The following SEC63 variants were observed in gnomAD, a reference collection of about 807,000 sequenced individuals.
The protein encoded by SEC63 is SEC63 protein translocation regulator.
A neutral mutation model predicts 116.2 loss-of-function variants in SEC63; 56 were observed. That is an observed-to-expected ratio of 0.48 (90% confidence interval 0.39 to 0.60). SEC63 has a LOEUF of 0.60. SEC63 is among the 20% of genes least tolerant of loss of function. The pLI is 0.00. For synonymous variants in SEC63, 273 were observed against 294.6 expected, an observed-to-expected ratio of 0.93 and a Z score of 0.75; for missense variants, 668 against 900.0, an observed-to-expected ratio of 0.74 and a Z score of 3.30.
chr6:107,875,172 TG>T (rs1786234120), intron 19 of SEC63, among the ~76,000 whole-genome samples: 1 of 152,152 alleles, frequency 6.6e-6, no homozygotes, highest in Non-Finnish European at 1.5e-5. Context: ...CCCAAGGCCC[TG>T]GTTCTTAAGG....
chr6:107,901,447 A>C lies in SEC63; in HGVS notation c.1280T>G (p.Leu427Arg). The C allele has an allele frequency of 6.2e-7, 1 of 1,612,294 alleles. No individual in the cohort carries two copies. Among genetic ancestry groups the C allele is most frequent in the Non-Finnish European group, 8.5e-7 (1 of 1,178,486 alleles). ...AACCTCTTCATATTTTTCATCTTCA[A>C]GGAAGTGCAGTAGAGTGTGACGATC... is the stretch of plus-strand genomic sequence containing the variant. ...ESDRHTLLHFLEDEKYEEVMA... is the reference protein window; with the variant it reads ...ESDRHTLLHFREDEKYEEVMA... Residue 427 changes from leucine (L) to arginine (R), a missense_variant, in exon 13 of 21, where the codon CTT (leucine) becomes CGT (arginine). By Grantham distance (102) the Leu-to-Arg change is moderately radical (BLOSUM62 -2). This residue lies in a region of SEC63 where 430 missense variants were observed against 557.5 expected (regional missense o/e 0.77). Coordinates refer to ENST00000369002, the MANE Select transcript of SEC63 (RefSeq NM_007214.5).
At chr6:107,923,315 T>TG (rs1487636347) in intron 3 of SEC63, among the ~76,000 whole-genome samples, 2 of 152,180 alleles carry the variant, frequency 1.3e-5, no homozygotes, top group Non-Finnish European at 2.9e-5. Flanking sequence ...GGTTTCCCTA[T>TG]GTTGCCCAGG....
chr6:107,891,262 T>C (rs1380067986), intron 16 of SEC63, among the ~76,000 whole-genome samples: 3 of 152,086 alleles, frequency 2.0e-5, no homozygotes, highest in Non-Finnish European at 4.4e-5. Context: ...CTTTGTTCGT[T>C]ACTTTTCACT....
chr6:107,953,845 G>C (rs1770639213), intron 1 of SEC63, among the ~76,000 whole-genome samples: 1 of 143,476 alleles, frequency 7.0e-6, no homozygotes, highest in Non-Finnish European at 1.5e-5. Context: ...AGGGAGGTGG[G>C]GGGGTCAGCC....
intron 18 of SEC63, among the ~76,000 whole-genome samples, chr6:107,879,403 C>T (rs1467427590): frequency 2.0e-5 from 3 of 151,712 alleles, no homozygotes; most frequent in Admixed American, 1.3e-4. Flanking sequence ...CTCAGCTTAC[C>T]GCAACCTCCG....
In SEC63 at chr6:107,920,425, C is replaced by CAAA. The variant is rs34816965; in HGVS notation, c.452+1369_452+1371dup. Among the ~76,000 whole-genome samples, 374 of 73,410 alleles carry CAAA rather than the reference C, an allele frequency of 5.1e-3. 14 individuals are homozygous for CAAA. Among genetic ancestry groups the CAAA allele is most frequent in the Non-Finnish European group, 6.2e-3 (263 of 42,262 alleles). 48.2% of individuals were successfully genotyped at this position (73,410 alleles called of 152,430 possible). On this transcript the variant is annotated intron_variant, in intron 4 of 20. Coordinates refer to ENST00000369002, the MANE Select transcript of SEC63 (RefSeq NM_007214.5). ...TGGGCGAAAGAGCGAGACTCCGTCTCAAAAAAAAAAAAAAAAAAAAAAAAA... is the reference window on the plus strand; with the variant it reads ...TGGGCGAAAGAGCGAGACTCCGTCTCAAAAAAAAAAAAAAAAAAAAAAAAAAAA...
chr6:107,941,158 G>A (rs188185347), intron 1 of SEC63, among the ~76,000 whole-genome samples: 60 of 152,324 alleles, frequency 3.9e-4, no homozygotes, highest in African/African-American at 1.4e-3. Flanking sequence ...GGCCTCTGGA[G>A]ATAAGTGCAG....
intron 1 of SEC63, among the ~76,000 whole-genome samples, chr6:107,930,455 A>G (rs1787775432): frequency 1.3e-5 from 2 of 151,666 alleles, no homozygotes; most frequent in Non-Finnish European, 2.9e-5. Flanking sequence ...CAAAAATACA[A>G]AATTAGCCAG....
At chr6:107,948,964 G>A (rs552329170) in intron 1 of SEC63, among the ~76,000 whole-genome samples, 1 of 152,152 alleles carries the variant, frequency 6.6e-6, no homozygotes, top group Non-Finnish European at 1.5e-5. Flanking sequence ...GGGATGTGGG[G>A]AATCACTCTG....
Position 107,929,456 on chromosome 6 carries a change from TA to T in SEC63, c.182del (p.Leu61TyrfsTer4). 6.2e-7 allele frequency: 1 copy of T among 1,602,184 alleles called. No individual in the cohort carries two copies. The highest frequency in any genetic ancestry group is 1.3e-5 in the African/African-American group (1 of 74,830). On this transcript the variant is annotated frameshift_variant, in exon 2 of 21. Transcript: ENST00000369002. LOFTEE classifies it high-confidence loss of function. ...KVYGRCMWYR[L>X]RLLKPQPNII... ...TATTTGGCTGGGGTTTTAATAACCG[TA>T]AACGATACCACATACACCTTCCATA...
intron 1 of SEC63, among the ~76,000 whole-genome samples, chr6:107,935,107 C>T (rs1407518168): frequency 2.9e-5 from 4 of 138,720 alleles, no homozygotes; most frequent in Non-Finnish European, 3.1e-5. Context: ...CTGCCCCGTC[C>T]GGGAGGGAGG....
chr6:107,899,642 C>T (rs1408911869), intron 13 of SEC63, among the ~76,000 whole-genome samples: 1 of 151,956 alleles, frequency 6.6e-6, no homozygotes, highest in Non-Finnish European at 1.5e-5. Flanking sequence ...ATCACTTGAA[C>T]CTAGAGTTGG....
At chr6:107,916,653 G>C (rs1377342223) in intron 4 of SEC63, among the ~76,000 whole-genome samples, 4 of 152,112 alleles carry the variant, frequency 2.6e-5, no homozygotes, top group Non-Finnish European at 5.9e-5. Context: ...CTCACTTCAT[G>C]TCCCTCTCTC....
intron 1 of SEC63, among the ~76,000 whole-genome samples, chr6:107,939,121 G>C (rs997572881): frequency 1.3e-5 from 2 of 151,696 alleles, no homozygotes; most frequent in Admixed American, 1.3e-4. Context: ...TGTCCCTACA[G>C]AAACTTTAAA....
At chr6:107,893,001 T>A (rs1786719436) in intron 16 of SEC63, among the ~76,000 whole-genome samples, 1 of 152,000 alleles carries the variant, frequency 6.6e-6, no homozygotes, top group African/African-American at 2.4e-5. Flanking sequence ...TGTATAAGAA[T>A]AAGCATAGCA....
intron 16 of SEC63, among the ~76,000 whole-genome samples, chr6:107,888,374 CATG>C (rs1258906864): frequency 6.6e-6 from 1 of 152,110 alleles, no homozygotes; most frequent in African/African-American, 2.4e-5. Context: ...GGAATTCACT[CATG>C]ATTTGGCTCT....
At chr6:107,955,355 G>T (rs1316438613) in intron 1 of SEC63, among the ~76,000 whole-genome samples, 3 of 152,154 alleles carry the variant, frequency 2.0e-5, no homozygotes, top group Admixed American at 2.0e-4. Flanking sequence ...TAGAGACGGG[G>T]TTTCACCATG....
At chr6:107,876,415 C>A in intron 19 of SEC63, 149 bp downstream of exon 19, 2 of 612,472 alleles carry the variant, frequency 3.3e-6, no homozygotes, top group Non-Finnish European at 5.9e-6. Flanking sequence ...GAGCTCACCC[C>A]AAAATAGAGA....
Position 107,901,329 on chromosome 6 carries a change from C to T in SEC63, c.1357+41G>A, listed in dbSNP as rs949978673. ...GTCAAATAAATGAGAACCAATCTAT[C>T]AAAAGGGAAGCAATGCTCAACAGAG... On this transcript the variant is annotated intron_variant, in intron 13 of 20. Coordinates refer to ENST00000369002, the MANE Select transcript of SEC63 (RefSeq NM_007214.5). 4 of 1,591,574 alleles carry T rather than the reference C, an allele frequency of 2.5e-6. No homozygotes were observed. The Admixed American group carries it at 5.0e-5, about 20-fold the overall frequency.
Sources: allele counts gnomAD v4.1 joint callset (sites outside exome capture counted in the v4.1 genomes callset), GRCh38; gene constraint gnomAD v4.1.1; regional missense constraint gnomAD v4.1.1; transcripts MANE v1.5; gene names NCBI Gene and HGNC (gene_info 2026-07-23, HGNC 2026-07-21).